The following FIRRM variants were observed in gnomAD, a reference collection of about 807,000 sequenced individuals.
FIRRM encodes the protein FIGNL1-interacting regulator of recombination and mitosis.
chr1:169,844,107 T>G, the FIRRM span, among the ~76,000 whole-genome samples: 1 of 152,236 alleles, frequency 6.6e-6, no homozygotes, highest in Admixed American at 6.5e-5. Context: ...CAAAAGCATT[T>G]CAGCAGCTGT....
At chr1:169,793,918 A>G in the FIRRM span, 37 of 396,796 alleles carry the variant, frequency 9.3e-5, no homozygotes, top group African/African-American at 3.3e-4. Flanking sequence ...AAAAAAAAAA[A>G]AAAGAAAGAA....
At chr1:169,816,379 A>G in the FIRRM span, among the ~76,000 whole-genome samples, 1 of 152,136 alleles carries the variant, frequency 6.6e-6, no homozygotes, top group Non-Finnish European at 1.5e-5. Flanking sequence ...CTCAAGAACA[A>G]CTGATGAGAA....
At chr1:169,829,396 G>T in the FIRRM span, 1 of 1,613,682 alleles carries the variant, frequency 6.2e-7, no homozygotes, top group Non-Finnish European at 8.5e-7. Flanking sequence ...GCATGTTTGT[G>T]TTCATCTGTG....
chr1:169,853,972 C>A, the FIRRM span: 1 of 638,020 alleles, frequency 1.6e-6, no homozygotes, highest in Non-Finnish European at 2.6e-6. Flanking sequence ...AATAGCTTTT[C>A]AAAAACCATA....
the FIRRM span, among the ~76,000 whole-genome samples, chr1:169,794,246 A>AC: frequency 6.6e-6 from 1 of 152,062 alleles, no homozygotes; most frequent in Non-Finnish European, 1.5e-5. Flanking sequence ...AACCATATTC[A>AC]CCCCCTAAGC....
At chr1:169,853,906 A>C in the FIRRM span, 2 of 946,178 alleles carry the variant, frequency 2.1e-6, no homozygotes, top group Non-Finnish European at 3.2e-6. Flanking sequence ...AAGTAAAATA[A>C]CTTAGAGCTC....
At chr1:169,825,421 A>G in the FIRRM span, among the ~76,000 whole-genome samples, 1 of 152,228 alleles carries the variant, frequency 6.6e-6, no homozygotes, top group Non-Finnish European at 1.5e-5. Context: ...TTAGAATTGT[A>G]AACTATAAAG....
At chr1:169,803,627 C>T in the FIRRM span, among the ~76,000 whole-genome samples, 13 of 152,020 alleles carry the variant, frequency 8.6e-5, no homozygotes, top group African/African-American at 3.1e-4. Context: ...TATTCAATTA[C>T]CATTATGATT....
chr1:169,786,202 T>C, the FIRRM span, among the ~76,000 whole-genome samples: 1 of 152,188 alleles, frequency 6.6e-6, no homozygotes, highest in African/African-American at 2.4e-5. Flanking sequence ...ATATTTAAAA[T>C]ACAGGCTTGG....
At chr1:169,847,017 A>G in the FIRRM span, among the ~76,000 whole-genome samples, 1 of 152,260 alleles carries the variant, frequency 6.6e-6, no homozygotes, top group Admixed American at 6.5e-5. Context: ...ATTGTGTCTC[A>G]GGGAATAGGG....
At chr1:169,785,833 T>C in the FIRRM span, among the ~76,000 whole-genome samples, 1 of 152,218 alleles carries the variant, frequency 6.6e-6, no homozygotes, top group Non-Finnish European at 1.5e-5. Context: ...TGCATATCAA[T>C]GTAATCAAAT....
chr1:169,796,960 T>TA, the FIRRM span, among the ~76,000 whole-genome samples: 5 of 152,226 alleles, frequency 3.3e-5, no homozygotes, highest in East Asian at 7.7e-4. Flanking sequence ...AACGCAGTCT[T>TA]ACACTTGTAT....
chr1:169,823,472 G>A, the FIRRM span: 1 of 1,588,894 alleles, frequency 6.3e-7, no homozygotes, highest in African/African-American at 1.3e-5. Context: ...CAGATACACA[G>A]GTAAGAAGAA....
the FIRRM span, chr1:169,830,127 T>A: frequency 2.9e-6 from 2 of 684,252 alleles, no homozygotes; most frequent in East Asian, 5.5e-5. Flanking sequence ...TACTAGAAAG[T>A]AGAACTCCCC....
At chr1:169,827,641 CAA>C in the FIRRM span, 1 of 1,550,488 alleles carries the variant, frequency 6.4e-7, no homozygotes. Flanking sequence ...CTGACTCAAA[CAA>C]AAAAAAATTA....
chr1:169,837,164 C>G, the FIRRM span: 1 of 1,472,644 alleles, frequency 6.8e-7, no homozygotes, highest in Non-Finnish European at 9.1e-7. Context: ...GTTTATTGAG[C>G]ATTGTTTTAG....
chr1:169,846,978 T>A, the FIRRM span, among the ~76,000 whole-genome samples: 2 of 152,118 alleles, frequency 1.3e-5, no homozygotes, highest in East Asian at 1.9e-4. Context: ...CTCGAACACT[T>A]AAGAGGCCAT....
At chr1:169,837,056 G>A in the FIRRM span, 18 of 1,609,794 alleles carry the variant, frequency 1.1e-5, no homozygotes, top group Admixed American at 1.7e-5. Context: ...AGTAGGCACT[G>A]CAGAATGCAG....
chr1:169,815,305 AAAAAG>A, the FIRRM span, among the ~76,000 whole-genome samples: 4 of 151,948 alleles, frequency 2.6e-5, no homozygotes, highest in Admixed American at 6.5e-5. Context: ...CAAAAAAAAA[AAAAAG>A]AAAAGAATAA....
Sources: gnomAD v4.1 joint callset for allele counts (sites outside exome capture counted in the v4.1 genomes callset) on GRCh38, gnomAD v4.1.1 for gene constraint, MANE v1.5 for transcripts, NCBI Gene and HGNC (gene_info 2026-07-23, HGNC 2026-07-21) for gene names.